Variants in BAZ1A observed in about 807,000 individuals in gnomAD.
The protein encoded by BAZ1A is bromodomain adjacent to zinc finger domain protein 1A.
Under a neutral mutation model 185.2 loss-of-function variants are expected in BAZ1A, and 50 were observed. The observed-to-expected ratio is 0.27, with a 90% CI of 0.22 to 0.34. The LOEUF is 0.34. Among genes scored for constraint, BAZ1A ranks in the 10% least tolerant of loss-of-function variants. The pLI, the probability that BAZ1A is intolerant of heterozygous loss-of-function variation, is 1.00. For synonymous variants in BAZ1A, 571 were observed against 615.6 expected (o/e 0.93, Z 1.07); for missense variants, 1,356 against 1,839.9 (o/e 0.74, Z 4.81).
intron 12 of BAZ1A, among the ~76,000 whole-genome samples, chr14:34,790,314 G>C (rs772007151): frequency 1.3e-5 from 2 of 151,786 alleles, no homozygotes; most frequent in South Asian, 4.2e-4. Context: ...GGGGCTATAG[G>C]CTGCACCACT....
At position 34,762,082 on chromosome 14, in the gene BAZ1A, A is replaced by G. The variant is rs780086689; in HGVS notation, c.3918T>C (p.Thr1306=). The G allele has an allele frequency of 3.7e-6, 6 of 1,614,072 alleles. No individual in the cohort carries two copies. Among genetic ancestry groups the G allele is most frequent in the African/African-American group, 2.7e-5 (2 of 74,918 alleles). ...GGCTTCTACCAGTTTTAGAAGAAAC[A>G]GTTGTTTTGGGTGTGCTCTGCTGAC... ...SRSQQSTPKT[T]VSSKTGRSLR... is the part of the protein sequence containing the mutation. Residue 1306 remains threonine (T), a synonymous_variant, in exon 24 of 27, where the codon ACT becomes ACC. Transcript: ENST00000360310.
intron 4 of BAZ1A, among the ~76,000 whole-genome samples, chr14:34,816,046 T>C (rs1202990221): frequency 6.7e-6 from 1 of 149,462 alleles, no homozygotes; most frequent in African/African-American, 2.4e-5. Context: ...TCAAAGTACA[T>C]ATATTTTGAA....
At chr14:34,865,017 C>G (rs1285500067) in intron 2 of BAZ1A, among the ~76,000 whole-genome samples, 2 of 151,974 alleles carry the variant, frequency 1.3e-5, no homozygotes, top group Non-Finnish European at 2.9e-5. Context: ...ACCTGGTGAT[C>G]TGCCCACCTC....
chr14:34,860,518 T>TAAA (rs397852116), intron 3 of BAZ1A, among the ~76,000 whole-genome samples: 8,608 of 70,340 alleles, frequency 0.12, 444 homozygotes, highest in South Asian at 0.18. Flanking sequence ...TACCAAAAGT[T>TAAA]AAAAAAAAAA....
rs566347997 is a variant in BAZ1A at position 34,759,419 on chromosome 14, G to A, written c.4244-573C>T. Among the ~76,000 whole-genome samples, 5 of 151,810 alleles carry A rather than the reference G, an allele frequency of 3.3e-5. No homozygotes were observed. In the East Asian group the frequency reaches 5.9e-4, roughly 18 times the overall value. On this transcript the variant is annotated intron_variant, in intron 24 of 26. Coordinates refer to ENST00000360310, the MANE Select transcript of BAZ1A (RefSeq NM_013448.3). ...AGGATGGTCTCGATCTCCTGACCTC[G>A]TGATCTCCTGACCTCGTGATCTGCC...
chr14:34,789,269 T>C (rs1036202341), intron 12 of BAZ1A, among the ~76,000 whole-genome samples: 3 of 152,296 alleles, frequency 2.0e-5, no homozygotes, highest in Admixed American at 6.5e-5. Flanking sequence ...ATACCATCTA[T>C]AGAAAGTTAT....
intron 3 of BAZ1A, among the ~76,000 whole-genome samples, chr14:34,846,696 T>C (rs1015874220): frequency 2.0e-5 from 3 of 152,174 alleles, no homozygotes; most frequent in Non-Finnish European, 4.4e-5. Context: ...GCATAAGGGT[T>C]CTAAATGTTA....
At position 34,820,303 on chromosome 14, in the gene BAZ1A, T is replaced by C. The variant is rs528277782; in HGVS notation, c.536+5710A>G. 1.3e-4 allele frequency among the ~76,000 whole-genome samples: 20 copies of C among 152,016 alleles called. No individual in the cohort carries two copies. In the East Asian group the frequency reaches 3.7e-3, roughly 28 times the overall value. On this transcript the variant is annotated intron_variant, in intron 4 of 26. Transcript: ENST00000360310. ...ACAATACCCGGCTGATTTTTTTGTG[T>C]GGTTTTTTGTAGAGATGGGGGTTTC...
intron 3 of BAZ1A, among the ~76,000 whole-genome samples, chr14:34,831,933 A>G (rs1455203344): frequency 6.6e-6 from 1 of 152,082 alleles, no homozygotes; most frequent in Non-Finnish European, 1.5e-5. Flanking sequence ...GCGACAGATC[A>G]CACCTAATCC....
intron 9 of BAZ1A, among the ~76,000 whole-genome samples, chr14:34,799,956 A>T (rs1395105876): frequency 6.6e-6 from 1 of 152,174 alleles, no homozygotes; most frequent in Non-Finnish European, 1.5e-5. Flanking sequence ...AGGTTTACAT[A>T]TAAACTTTTA....
At chr14:34,832,830 G>T (rs569081505) in intron 3 of BAZ1A, among the ~76,000 whole-genome samples, 2 of 152,014 alleles carry the variant, frequency 1.3e-5, no homozygotes, top group African/African-American at 2.4e-5. Context: ...ATACCCAAAA[G>T]AATTGAAAAC....
At position 34,798,208 on chromosome 14, in the gene BAZ1A, G is replaced by A. The variant is rs61981233; in HGVS notation, c.1128+2016C>T. 3.8e-3 allele frequency among the ~76,000 whole-genome samples: 574 copies of A among 152,376 alleles called. 9 individuals are homozygous for A. The highest frequency in any genetic ancestry group is 4.8e-3 in the Non-Finnish European group (326 of 68,036). On this transcript the variant is annotated intron_variant, in intron 9 of 26. Coordinates refer to ENST00000360310, the MANE Select transcript of BAZ1A (RefSeq NM_013448.3). ...GCTGCTGGGAAAGCTCAAACTGGGCGGAGCCCACCGCAGCTCTGAAAGGCC... is the reference window on the plus strand; with the variant it reads ...GCTGCTGGGAAAGCTCAAACTGGGCAGAGCCCACCGCAGCTCTGAAAGGCC...
At chr14:34,787,351 C>CAAA (rs918534072) in intron 12 of BAZ1A, among the ~76,000 whole-genome samples, 632 of 41,418 alleles carry the variant, frequency 0.015, 18 homozygotes, top group African/African-American at 0.044. Flanking sequence ...GACTCTGTCT[C>CAAA]AAAAAAAAAA....
intron 11 of BAZ1A, among the ~76,000 whole-genome samples, 194 bp from the exon 12 acceptor site, chr14:34,793,115 G>A (rs769574400): frequency 6.6e-5 from 10 of 152,044 alleles, no homozygotes; most frequent in Admixed American, 1.3e-4. Flanking sequence ...CAATAAAATC[G>A]TAAGCCAAAG....
At chr14:34,801,215 T>A (rs1350482865) in intron 7 of BAZ1A, 22 bp from the exon 8 acceptor site, 3 of 1,526,230 alleles carry the variant, frequency 2.0e-6, no homozygotes, top group Non-Finnish European at 2.7e-6. Flanking sequence ...ACCAAAATAG[T>A]ATGCCTGGTT....
Position 34,874,442 on chromosome 14 carries a change from G to A in BAZ1A, c.113+50C>T, listed in dbSNP as rs767485602. ...AAGGAGAGAGACAAAAGAGCGCTGC[G>A]GGGGGAGTCCCCACACCCCCCGCGG... On this transcript the variant is annotated intron_variant, in intron 2 of 26. Transcript: ENST00000360310. The surrounding 1 kb of genome is among the most constrained non-coding windows in gnomAD (Gnocchi z 4.7). 6.7e-7 allele frequency: 1 copy of A among 1,490,264 alleles called. No individual in the cohort carries two copies. The highest frequency in any genetic ancestry group is 1.1e-5 in the South Asian group (1 of 88,420). 92.3% of individuals were successfully genotyped at this position (1,490,264 alleles called of 1,614,324 possible).
intron 16 of BAZ1A, among the ~76,000 whole-genome samples, chr14:34,782,556 T>C (rs557930608): frequency 6.6e-6 from 1 of 152,196 alleles, no homozygotes; most frequent in Non-Finnish European, 1.5e-5. Flanking sequence ...ATCAGATATA[T>C]GATTTGCAAA....
At chr14:34,809,026 T>A (rs1055333512) in intron 5 of BAZ1A, among the ~76,000 whole-genome samples, 1 of 152,214 alleles carries the variant, frequency 6.6e-6, no homozygotes, top group Admixed American at 6.5e-5. Context: ...ACTTTTTTTG[T>A]TGTCAGTATT....
At chr14:34,776,879 C>T (rs1482042188) in intron 17 of BAZ1A, among the ~76,000 whole-genome samples, 2 of 152,138 alleles carry the variant, frequency 1.3e-5, no homozygotes, top group Admixed American at 1.3e-4. Flanking sequence ...TGATCTTGGA[C>T]TTCCAGACTC....
Sources: allele counts gnomAD v4.1 joint callset (sites outside exome capture counted in the v4.1 genomes callset), GRCh38; gene constraint gnomAD v4.1.1; non-coding constraint Gnocchi (gnomAD v3.1); transcripts MANE v1.5; gene names NCBI Gene and HGNC (gene_info 2026-07-23, HGNC 2026-07-21).